RYR2: variants seen among roughly 807,000 people sequenced by gnomAD.
RYR2 encodes the protein ryanodine receptor 2.
RYR2 carries 227 observed loss-of-function variants against 601.1 expected under a neutral mutation model. That is an observed-to-expected ratio of 0.38 (90% confidence interval 0.34 to 0.42). The LOEUF is 0.42. RYR2 is among the 10% of genes least tolerant of loss of function. The pLI, the probability that RYR2 is intolerant of heterozygous loss-of-function variation, is 1.00. For missense variants in RYR2, 4,646 were observed against 6,156.5 expected (o/e 0.75, Z 8.21); for synonymous variants, 2,223 against 2,175.1 (o/e 1.02, Z -0.61).
intron 27 of RYR2, among the ~76,000 whole-genome samples, chr1:237,553,600 A>G (rs566263989): frequency 6.6e-6 from 1 of 152,106 alleles, no homozygotes; most frequent in South Asian, 2.1e-4. Context: ...GGATGGGATT[A>G]CAGTTGAATT....
intron 1 of RYR2, among the ~76,000 whole-genome samples, chr1:237,156,427 G>C (rs1230909531): frequency 6.6e-6 from 1 of 152,152 alleles, no homozygotes; most frequent in East Asian, 1.9e-4. Flanking sequence ...ATGCATATTA[G>C]TAAAGAATCT....
At chr1:237,205,212 C>T (rs12065427) in intron 1 of RYR2, among the ~76,000 whole-genome samples, 26,041 of 152,198 alleles carry the variant, frequency 0.17, 3,239 homozygotes, top group African/African-American at 0.35. Flanking sequence ...AAATGGGCTA[C>T]GCTGGTTGGT....
At chr1:237,396,758 A>G (rs1383798687) in intron 10 of RYR2, among the ~76,000 whole-genome samples, 3 of 152,338 alleles carry the variant, frequency 2.0e-5, no homozygotes, top group Non-Finnish European at 2.9e-5. Flanking sequence ...AGACATTCAC[A>G]TGGATCAACT....
chr1:237,119,062 G>T (rs551312340), intron 1 of RYR2, among the ~76,000 whole-genome samples: 37 of 152,314 alleles, frequency 2.4e-4, no homozygotes, highest in Non-Finnish European at 4.6e-4. Flanking sequence ...TAACCCCCTA[G>T]TACCTTAGAA....
At chr1:237,148,679 C>A (rs1674357624) in intron 1 of RYR2, among the ~76,000 whole-genome samples, 1 of 151,156 alleles carries the variant, frequency 6.6e-6, no homozygotes, top group African/African-American at 2.4e-5. Context: ...GGTTTTGAAG[C>A]CAGCTAGACT....
chr1:237,498,894 G>A (rs942610637), intron 20 of RYR2, among the ~76,000 whole-genome samples: 1 of 152,108 alleles, frequency 6.6e-6, no homozygotes, highest in Non-Finnish European at 1.5e-5. Flanking sequence ...AAGAAAATAC[G>A]TATCATATCA....
chr1:237,625,612 AG>A, intron 39 of RYR2, 48 bp from the exon 40 acceptor site: 2 of 1,579,762 alleles, frequency 1.3e-6, no homozygotes, highest in Non-Finnish European at 1.7e-6. Flanking sequence ...TATTTGCCCA[AG>A]TGTATTCTTT....
At chr1:237,526,028 AG>A (rs1256707866) in intron 24 of RYR2, among the ~76,000 whole-genome samples, 2 of 151,908 alleles carry the variant, frequency 1.3e-5, no homozygotes, top group African/African-American at 4.8e-5. Context: ...TCCTTTGGGT[AG>A]GTATCCAGTT....
At chr1:237,084,735 G>T (rs1666113821) in intron 1 of RYR2, among the ~76,000 whole-genome samples, 1 of 152,208 alleles carries the variant, frequency 6.6e-6, no homozygotes. Flanking sequence ...GGCATTTCTT[G>T]AATGTGCTAG....
chr1:237,052,535 C>A (rs908951158), intron 1 of RYR2, among the ~76,000 whole-genome samples: 2 of 152,100 alleles, frequency 1.3e-5, no homozygotes, highest in African/African-American at 4.8e-5. Flanking sequence ...TCTTTTGTAG[C>A]GTTTCAGGAA....
At chr1:237,526,712 T>G (rs1667627917) in intron 24 of RYR2, among the ~76,000 whole-genome samples, 1 of 152,228 alleles carries the variant, frequency 6.6e-6, no homozygotes, top group Non-Finnish European at 1.5e-5. Flanking sequence ...TCTGTGTGGA[T>G]TCTGGATATT....
At position 237,263,739 on chromosome 1, in the gene RYR2, T is replaced by C. The variant is rs538618161; in HGVS notation, c.49-6758T>C. Among the ~76,000 whole-genome samples, 5 of 152,334 alleles carry C rather than the reference T, an allele frequency of 3.3e-5. No individual in the cohort carries two copies. In the East Asian group the frequency reaches 9.6e-4, roughly 29 times the overall value. ...ATCAAATTGGATTAGAGGTCATCTATGTATCTATTTAATAGATATTTTTTG... is the reference window on the plus strand; with the variant it reads ...ATCAAATTGGATTAGAGGTCATCTACGTATCTATTTAATAGATATTTTTTG... On this transcript the variant is annotated intron_variant, in intron 1 of 104. Transcript: ENST00000366574.
intron 47 of RYR2, 150 bp from the exon 48 acceptor site, chr1:237,643,177 A>G (rs1681746820): frequency 1.1e-6 from 1 of 922,804 alleles, no homozygotes; most frequent in African/African-American, 1.7e-5. Context: ...CAGGTAAGCC[A>G]GAAAACTATT....
At chr1:237,202,090 C>T (rs966415310) in intron 1 of RYR2, among the ~76,000 whole-genome samples, 1 of 152,108 alleles carries the variant, frequency 6.6e-6, no homozygotes, top group Admixed American at 6.6e-5. Flanking sequence ...TCAAAAGATG[C>T]TATTTGTTAC....
chr1:237,094,777 G>A (rs1401578448), intron 1 of RYR2, among the ~76,000 whole-genome samples: 3 of 152,144 alleles, frequency 2.0e-5, no homozygotes, highest in Non-Finnish European at 2.9e-5. Flanking sequence ...ATTTTCGGTA[G>A]AGACGGGGTT....
At chr1:237,333,780 C>T (rs1030991804) in intron 3 of RYR2, among the ~76,000 whole-genome samples, 5 of 152,116 alleles carry the variant, frequency 3.3e-5, no homozygotes, top group Non-Finnish European at 7.4e-5. Context: ...AAATTACTAT[C>T]TCCAGGTTAA....
intron 2 of RYR2, among the ~76,000 whole-genome samples, chr1:237,320,953 T>G (rs1191607745): frequency 8.4e-6 from 1 of 119,498 alleles, no homozygotes; most frequent in Non-Finnish European, 1.7e-5. Flanking sequence ...GCAGGCTCAC[T>G]GTCACATTTA....
intron 35 of RYR2, among the ~76,000 whole-genome samples, chr1:237,606,669 T>A (rs1344055000): frequency 6.6e-6 from 1 of 152,024 alleles, no homozygotes; most frequent in East Asian, 1.9e-4. Flanking sequence ...ATTTTTGCAA[T>A]CTTCTCATCT....
chr1:237,794,284 C>G (rs1335303502), intron 95 of RYR2, among the ~76,000 whole-genome samples: 1 of 151,846 alleles, frequency 6.6e-6, no homozygotes, highest in African/African-American at 2.4e-5. Flanking sequence ...ATGTGTGTAG[C>G]AGGAAGTGCA....
Sources: gnomAD v4.1 joint callset for allele counts (sites outside exome capture counted in the v4.1 genomes callset) on GRCh38, gnomAD v4.1.1 for gene constraint, MANE v1.5 for transcripts, NCBI Gene and HGNC (gene_info 2026-07-23, HGNC 2026-07-21) for gene names.